Variants in RGL1 observed in about 807,000 individuals in gnomAD.
RGL1 encodes ral guanine nucleotide dissociation stimulator like 1.
RGL1 carries 24 observed loss-of-function variants against 95.2 expected under a neutral mutation model. That is an observed-to-expected ratio of 0.25 (90% CI 0.18 to 0.35). The LOEUF (loss-of-function observed/expected upper bound fraction) is 0.35, where lower values mean the gene tolerates loss of function less well. Among genes scored for constraint, RGL1 ranks in the 10% least tolerant of loss-of-function variants. The pLI is 1.00. For missense variants in RGL1, 715 were observed against 936.3 expected, an observed-to-expected ratio of 0.76 and a Z score of 3.08; for synonymous variants, 329 against 344.9, an observed-to-expected ratio of 0.95 and a Z score of 0.51.
chr1:183,734,554 G>C (rs546778160), intron 1 of RGL1, among the ~76,000 whole-genome samples: 1 of 152,272 alleles, frequency 6.6e-6, no homozygotes, highest in Admixed American at 6.5e-5. Context: ...ATCTAAATCA[G>C]CTTAATTTCC....
rs1553295335 is a variant in RGL1, at chr1:183,849,491, T to TTG, written c.347+1718_347+1719insGT. Among the ~76,000 whole-genome samples the TTG allele has an allele frequency of 2.5e-4, 34 of 137,346 alleles. 1 individual carries two copies. The highest frequency in any genetic ancestry group is 8.8e-4 in the African/African-American group (33 of 37,428). 90.1% of individuals were successfully genotyped at this position (137,346 alleles called of 152,430 possible). On this transcript the variant is annotated intron_variant, in intron 3 of 17. Transcript: ENST00000360851. ...GTTTTCTCCAGTTTTTAGTTTTTTT[T>TTG]TTTTTTTTTTTTTTTGTTGAGATGG...
chr1:183,811,154 G>T lies in RGL1; in HGVS notation c.138+4669G>T, dbSNP rs1661686390. ...CATGGGAGCAAGAAAAATCAATTAGGTAATGATTATAGCTGTCTTACACCC... is the reference window on the plus strand; with the variant it reads ...CATGGGAGCAAGAAAAATCAATTAGTTAATGATTATAGCTGTCTTACACCC... On this transcript the variant is annotated intron_variant, in intron 2 of 17. Coordinates refer to ENST00000360851, the MANE Select transcript of RGL1 (RefSeq NM_001297671.3). Among the ~76,000 whole-genome samples the T allele has an allele frequency of 2.0e-5, 3 of 152,264 alleles. No individual in the cohort carries two copies. In the East Asian group the frequency reaches 5.8e-4, roughly 29 times the overall value.
At chr1:183,907,243 A>G (rs1558287173) in intron 14 of RGL1, 142 bp downstream of exon 14, 4 of 626,380 alleles carry the variant, frequency 6.4e-6, no homozygotes, top group Non-Finnish European at 1.2e-5. Flanking sequence ...TCCTTCTGTC[A>G]TGAACTCAAA....
chr1:183,706,593 A>G, intron 1 of RGL1, among the ~76,000 whole-genome samples: 1 of 152,208 alleles, frequency 6.6e-6, no homozygotes, highest in South Asian at 2.1e-4. Context: ...CAGAGGGGGC[A>G]CAGCCTGGTG....
intron 1 of RGL1, among the ~76,000 whole-genome samples, chr1:183,734,888 T>C (rs1039200633): frequency 6.6e-6 from 1 of 152,206 alleles, no homozygotes; most frequent in African/African-American, 2.4e-5. Flanking sequence ...CTTCCCCACG[T>C]CTGTCTTTGC....
intron 2 of RGL1, among the ~76,000 whole-genome samples, chr1:183,823,370 T>G (rs1441275720): frequency 6.8e-6 from 1 of 146,688 alleles, no homozygotes; most frequent in Non-Finnish European, 1.5e-5. Context: ...AATATTTATT[T>G]TTAATTTTAT....
rs1300772072 is a variant in RGL1 at position 183,847,572 on chromosome 1, G to A, written c.145G>A (p.Gly49Arg). Residue 49 changes from glycine to arginine, a missense_variant, in exon 3 of 18, where the codon GGG (glycine) becomes AGG (arginine). Physicochemically the swap from Gly to Arg is moderately radical, Grantham distance 125. Coordinates refer to ENST00000360851, the MANE Select transcript of RGL1 (RefSeq NM_001297671.3). ...NKGARWLGVE[G>R]DQLPPGHTVS... The stretch of plus-strand genomic sequence containing the variant: ...TTGTTAATTTATTATACAGGTTGAA[G>A]GGGACCAGCTGCCTCCAGGACACAC... The A allele has an allele frequency of 2.5e-6, 4 of 1,613,688 alleles. No individual in the cohort carries two copies. Among genetic ancestry groups the A allele is most frequent in the African/African-American group, 1.3e-5 (1 of 74,928 alleles).
At chr1:183,808,300 A>G (rs1572438528) in intron 2 of RGL1, among the ~76,000 whole-genome samples, 1 of 152,122 alleles carries the variant, frequency 6.6e-6, no homozygotes, top group East Asian at 1.9e-4. Flanking sequence ...GAGTTAATTC[A>G]CCCTGGATTC....
chr1:183,842,682 A>G (rs1385066945), intron 2 of RGL1, among the ~76,000 whole-genome samples: 1 of 152,232 alleles, frequency 6.6e-6, no homozygotes, highest in Non-Finnish European at 1.5e-5. Flanking sequence ...GATTAAATCC[A>G]GATTGAGCTG....
chr1:183,901,244 A>T (rs1166799867), intron 11 of RGL1, among the ~76,000 whole-genome samples: 1 of 152,154 alleles, frequency 6.6e-6, no homozygotes, highest in Non-Finnish European at 1.5e-5. Context: ...GGTTGCAGTG[A>T]GCCGAGATTG....
intron 2 of RGL1, among the ~76,000 whole-genome samples, chr1:183,833,097 G>T (rs1292359180): frequency 6.6e-6 from 1 of 152,126 alleles, no homozygotes; most frequent in African/African-American, 2.4e-5. Flanking sequence ...AGCCTCTCAG[G>T]TTATTGACAT....
At chr1:183,688,979 A>G (rs565989902) in intron 1 of RGL1, among the ~76,000 whole-genome samples, 3 of 152,340 alleles carry the variant, frequency 2.0e-5, no homozygotes, top group South Asian at 4.1e-4. Context: ...GAATGGAAAC[A>G]TTGAATAAAT....
intron 1 of RGL1, among the ~76,000 whole-genome samples, chr1:183,708,394 G>C (rs151120109): frequency 6.6e-6 from 1 of 152,264 alleles, no homozygotes; most frequent in Non-Finnish European, 1.5e-5. Context: ...ACAAGACTTG[G>C]TTCATTTCCA....
At chr1:183,696,566 C>G (rs529577139) in intron 1 of RGL1, among the ~76,000 whole-genome samples, 2 of 152,282 alleles carry the variant, frequency 1.3e-5, no homozygotes, top group Non-Finnish European at 2.9e-5. Flanking sequence ...GACCTTAACT[C>G]CATCTATATA....
chr1:183,736,806 A>G (rs543246762), intron 1 of RGL1, among the ~76,000 whole-genome samples: 11 of 152,332 alleles, frequency 7.2e-5, no homozygotes, highest in African/African-American at 2.6e-4. Context: ...GGTAGAAGCA[A>G]AAGGAAAATA....
chr1:183,749,894 C>A lies in RGL1; in HGVS notation c.132+7605C>A, dbSNP rs1449857208. On this transcript the variant is annotated intron_variant, in intron 2 of 18. Coordinates refer to the RGL1 transcript ENST00000304685. ...AAAATGTTGAATATTGGTCCCCACT[C>A]TCTTCTGGATTCTAGTGTTTCTACA... Among the ~76,000 whole-genome samples the A allele has an allele frequency of 3.3e-5, 5 of 152,218 alleles. No homozygotes were observed. The East Asian group carries it at 9.6e-4, about 29-fold the overall frequency.
chr1:183,752,996 C>T (rs551209452), intron 2 of RGL1, among the ~76,000 whole-genome samples: 11 of 151,986 alleles, frequency 7.2e-5, no homozygotes, highest in Admixed American at 3.3e-4. Flanking sequence ...TTTTGGGGTA[C>T]GAGGGCTTCT....
At chr1:183,703,297 G>A (rs1315378969) in intron 1 of RGL1, among the ~76,000 whole-genome samples, 1 of 152,236 alleles carries the variant, frequency 6.6e-6, no homozygotes, top group African/African-American at 2.4e-5. Flanking sequence ...GGGTATTTTT[G>A]AGAGATGGGT....
At chr1:183,643,947 G>A (rs774348843) in intron 1 of RGL1, among the ~76,000 whole-genome samples, 1 of 152,148 alleles carries the variant, frequency 6.6e-6, no homozygotes, top group Non-Finnish European at 1.5e-5. Flanking sequence ...ATTTATGTTT[G>A]GCATGAGGTC....
Sources: gnomAD v4.1 joint callset for allele counts (sites outside exome capture counted in the v4.1 genomes callset) on GRCh38, gnomAD v4.1.1 for gene constraint, MANE v1.5 for transcripts, NCBI Gene and HGNC (gene_info 2026-07-23, HGNC 2026-07-21) for gene names.